STRN: variants seen among roughly 807,000 people sequenced by gnomAD.
The protein encoded by STRN is striatin.
Under a neutral mutation model 96.3 loss-of-function variants are expected in STRN, and 53 were observed. The observed-to-expected ratio is 0.55, with a 90% CI of 0.44 to 0.69. The LOEUF (loss-of-function observed/expected upper bound fraction) is 0.69, where lower values mean the gene tolerates loss of function less well. Ranked by LOEUF, STRN falls within the 30% of genes least tolerant of loss-of-function variation. The pLI is 0.00. For missense variants in STRN, 987 were observed against 963.9 expected (o/e 1.02, Z -0.32); for synonymous variants, 428 against 355.9 (o/e 1.20, Z -2.28).
rs1418373954 is a variant in STRN, at chr2:36,846,457, TATATATA to T, written c.*2992_*2998del. The stretch of plus-strand genomic sequence containing the variant: ...TTATATATTATATATATTCTTACAA[TATATATA>T]ATATATATTTATAAAATATACATAC... On this transcript the variant is annotated 3_prime_UTR_variant, in exon 18 of 18. Transcript: ENST00000263918. 2 of 136,658 alleles carry T rather than the reference TATATATA, an allele frequency of 1.5e-5. No individual in the cohort carries two copies. The highest frequency in any genetic ancestry group is 3.1e-5 in the Non-Finnish European group (2 of 64,588). The allele number at this position is 136,658 out of a possible 1,614,324, so 8.5% of individuals were successfully genotyped here. A position where few individuals can be genotyped will look rare whatever the true frequency, so the allele number is the denominator to read the frequency against.
intron 1 of STRN, among the ~76,000 whole-genome samples, chr2:36,942,815 C>A (rs781769701): frequency 1.3e-5 from 2 of 152,076 alleles, no homozygotes; most frequent in Admixed American, 6.6e-5. Context: ...GATGACTCAG[C>A]CTTCTGAGTA....
intron 7 of STRN, among the ~76,000 whole-genome samples, chr2:36,888,739 G>A (rs777347183): frequency 2.0e-5 from 3 of 151,662 alleles, no homozygotes; most frequent in Non-Finnish European, 2.9e-5. Context: ...GGGGTGCACT[G>A]TCACAATCTC....
chr2:36,852,865 T>A (rs1668254429), intron 15 of STRN, among the ~76,000 whole-genome samples: 1 of 152,094 alleles, frequency 6.6e-6, no homozygotes, highest in South Asian at 2.1e-4. Context: ...GTTATTTAAA[T>A]ATAAAATGTG....
intron 6 of STRN, among the ~76,000 whole-genome samples, chr2:36,897,684 G>C (rs575174028): frequency 6.6e-6 from 1 of 151,800 alleles, no homozygotes; most frequent in Non-Finnish European, 1.5e-5. Context: ...TGATCCATCC[G>C]TCTCGGCCTC....
intron 5 of STRN, among the ~76,000 whole-genome samples, chr2:36,900,761 C>T (rs867583174): frequency 3.3e-5 from 5 of 152,066 alleles, no homozygotes; most frequent in Middle Eastern, 6.8e-3. Context: ...GGTGTAGTGG[C>T]GCATGCCTGT....
At position 36,909,030 on chromosome 2, in the gene STRN, C is replaced by T. The variant is rs536856999; in HGVS notation, c.413-3412G>A. On this transcript the variant is annotated intron_variant, in intron 3 of 17. Transcript: ENST00000263918. ...AAATAGCTGGGCAAGGTGGCGCATG[C>T]GTGTAATCCCAGCTACTAGGGAGGC... Among the ~76,000 whole-genome samples the T allele has an allele frequency of 8.6e-5, 13 of 151,092 alleles. No individual in the cohort carries two copies. The East Asian group carries it at 1.6e-3, about 18-fold the overall frequency.
intron 1 of STRN, among the ~76,000 whole-genome samples, chr2:36,932,096 A>C (rs1670590052): frequency 6.6e-6 from 1 of 152,052 alleles, no homozygotes; most frequent in South Asian, 2.1e-4. Context: ...CTGGAAATAC[A>C]TGCATAAGCC....
chr2:36,909,980 C>G (rs112844988), intron 3 of STRN, among the ~76,000 whole-genome samples: 50,728 of 151,812 alleles, frequency 0.33, 8,929 homozygotes, highest in Non-Finnish European at 0.37. Flanking sequence ...CTAGACCAGC[C>G]TGGCCAACAT....
intron 9 of STRN, among the ~76,000 whole-genome samples, chr2:36,878,677 T>TATC (rs1668984507): frequency 6.6e-6 from 1 of 152,166 alleles, no homozygotes; most frequent in African/African-American, 2.4e-5. Flanking sequence ...CACTGAGCTG[T>TATC]ACCCTTATGA....
intron 6 of STRN, among the ~76,000 whole-genome samples, chr2:36,897,468 C>T (rs1353446198): frequency 6.6e-6 from 1 of 151,062 alleles, no homozygotes; most frequent in Non-Finnish European, 1.5e-5. Flanking sequence ...GACAGTCTCG[C>T]TCTGTCACCC....
chr2:36,850,713 G>C (rs1353954478), intron 16 of STRN, among the ~76,000 whole-genome samples: 1 of 151,934 alleles, frequency 6.6e-6, no homozygotes, highest in Non-Finnish European at 1.5e-5. Flanking sequence ...ATTTTTATTT[G>C]TATTTGAGTG....
At chr2:36,869,824 A>T in intron 10 of STRN, 95 bp from the exon 11 acceptor site, 1 of 1,074,720 alleles carries the variant, frequency 9.3e-7, no homozygotes, top group Non-Finnish European at 1.2e-6. Flanking sequence ...ATGTGTCAAT[A>T]AACGATCACT....
At position 36,844,347 on chromosome 2, in the gene STRN, CT is replaced by C. The variant is rs1668015225; in HGVS notation, c.*5108del. The C allele has an allele frequency of 6.6e-6, 1 of 152,082 alleles. No individual in the cohort carries two copies. The highest frequency in any genetic ancestry group is 1.5e-5 in the Non-Finnish European group (1 of 67,994). 9.4% of individuals were successfully genotyped at this position (152,082 alleles called of 1,614,324 possible). The stretch of plus-strand genomic sequence containing the variant: ...GCTGATAATAACAAATTTAGCAGCT[CT>C]CTACAAGTCAATTAAAATACCATTC... On this transcript the variant is annotated 3_prime_UTR_variant, in exon 18 of 18. Transcript: ENST00000263918.
chr2:36,850,371 G>A (rs1308223149), intron 16 of STRN, among the ~76,000 whole-genome samples: 2 of 152,178 alleles, frequency 1.3e-5, no homozygotes, highest in African/African-American at 4.8e-5. Context: ...TTTCCTCCCA[G>A]CACAGTGCTT....
intron 2 of STRN, among the ~76,000 whole-genome samples, chr2:36,917,753 G>A (rs1001394704): frequency 2.0e-5 from 3 of 152,012 alleles, no homozygotes; most frequent in Non-Finnish European, 4.4e-5. Context: ...ATGGGTACAT[G>A]AGTATTTTTT....
intron 15 of STRN, among the ~76,000 whole-genome samples, chr2:36,854,236 T>C (rs903673379): frequency 1.3e-5 from 2 of 152,214 alleles, no homozygotes; most frequent in Non-Finnish European, 2.9e-5. Flanking sequence ...GAGTCATATA[T>C]TTAAACATGA....
Position 36,842,646 on chromosome 2 carries a change from A to G in STRN, c.*6810T>C, listed in dbSNP as rs902649208. On this transcript the variant is annotated 3_prime_UTR_variant, in exon 18 of 18. Transcript: ENST00000263918. ...TGAAACTACCATTACCTTTAGTGAA[A>G]TATCAATTAGGAATAAGGAAAGGGT... 1.3e-5 allele frequency: 2 copies of G among 152,200 alleles called. No homozygotes were observed. The highest frequency in any genetic ancestry group is 2.9e-5 in the Non-Finnish European group (2 of 68,028). The allele number at this position is 152,200 out of a possible 1,614,324, so 9.4% of individuals were successfully genotyped here. A position where few individuals can be genotyped will look rare whatever the true frequency, so the allele number is the denominator to read the frequency against.
At chr2:36,887,266 AAAAT>A (rs34577574) in intron 7 of STRN, among the ~76,000 whole-genome samples, 9,069 of 136,392 alleles carry the variant, frequency 0.066, 341 homozygotes, top group East Asian at 0.13. Flanking sequence ...CATTTCTAGT[AAAAT>A]AAATAAATAA....
intron 8 of STRN, 128 bp from the exon 9 acceptor site, chr2:36,884,203 A>G: frequency 2.5e-6 from 2 of 807,628 alleles, no homozygotes; most frequent in African/African-American, 1.8e-5. Context: ...ATTCTACTAG[A>G]TTAATAAGAA....
Sources: allele counts gnomAD v4.1 joint callset (sites outside exome capture counted in the v4.1 genomes callset), GRCh38; gene constraint gnomAD v4.1.1; transcripts MANE v1.5; gene names NCBI Gene and HGNC (gene_info 2026-07-23, HGNC 2026-07-21).